RUNX1: variants seen among roughly 807,000 people sequenced by gnomAD.
RUNX1 encodes RUNX family transcription factor 1.
A neutral mutation model predicts 42.8 loss-of-function variants in RUNX1; 19 were observed. The ratio of observed to expected loss-of-function variants is 0.44; its 90% CI spans 0.31 to 0.65. The LOEUF (loss-of-function observed/expected upper bound fraction) is 0.65. RUNX1 is among the 30% of genes least tolerant of loss of function. The pLI is 0.07. For missense variants in RUNX1, 528 were observed against 672.0 expected, an observed-to-expected ratio of 0.79 and a Z score of 2.37; for synonymous variants, 271 against 289.4, an observed-to-expected ratio of 0.94 and a Z score of 0.64.
At chr21:35,027,377 T>G (rs2059245163) in intron 2 of RUNX1, among the ~76,000 whole-genome samples, 1 of 152,258 alleles carries the variant, frequency 6.6e-6, no homozygotes, top group African/African-American at 2.4e-5. Flanking sequence ...CCTCAGATTC[T>G]GCACTTCTAA....
At chr21:34,919,788 T>C (rs1246129868) in intron 2 of RUNX1, among the ~76,000 whole-genome samples, 1 of 152,214 alleles carries the variant, frequency 6.6e-6, no homozygotes, top group Non-Finnish European at 1.5e-5. Context: ...AAAATAACGA[T>C]TGTAGGACAT....
At chr21:35,020,229 G>T (rs9974463) in intron 2 of RUNX1, among the ~76,000 whole-genome samples, 1 of 151,564 alleles carries the variant, frequency 6.6e-6, no homozygotes, top group South Asian at 2.1e-4. Context: ...GTTCCTCCCC[G>T]ACCTTACTTT....
chr21:34,956,491 C>T (rs1423132888), intron 2 of RUNX1, among the ~76,000 whole-genome samples: 1 of 152,176 alleles, frequency 6.6e-6, no homozygotes, highest in Non-Finnish European at 1.5e-5. Context: ...TTTATGTCTG[C>T]AGCTCCATAG....
intron 2 of RUNX1, among the ~76,000 whole-genome samples, chr21:34,987,694 T>C (rs2058902034): frequency 6.6e-6 from 1 of 152,190 alleles, no homozygotes; most frequent in African/African-American, 2.4e-5. Flanking sequence ...AAGAGCATTT[T>C]ATCCTAGCTA....
At position 34,788,697 on chromosome 21, in the gene RUNX1, C is replaced by A; in HGVS notation, c.*3438G>T. 8.6e-6 allele frequency: 2 copies of A among 233,502 alleles called. No homozygotes were observed. The highest frequency in any genetic ancestry group is 1.7e-5 in the Non-Finnish European group (2 of 117,988). The allele number at this position is 233,502 out of a possible 1,614,324, so 14.5% of individuals were successfully genotyped here. A position where few individuals can be genotyped will look rare whatever the true frequency, so the allele number is the denominator to read the frequency against. Reference sequence around the variant, plus strand: ...AGCCAAATGATCAGCCTCATCAATACTGACCTGGCTAAAAACAAAATTCCC... The same window carrying A: ...AGCCAAATGATCAGCCTCATCAATAATGACCTGGCTAAAAACAAAATTCCC... On this transcript the variant is annotated 3_prime_UTR_variant, in exon 9 of 9. Coordinates refer to ENST00000675419, the MANE Select transcript of RUNX1 (RefSeq NM_001754.5).
intron 2 of RUNX1, among the ~76,000 whole-genome samples, chr21:35,044,873 A>G (rs1298984704): frequency 1.3e-5 from 2 of 152,234 alleles, no homozygotes; most frequent in African/African-American, 4.8e-5. Context: ...AAGCTCAGAA[A>G]GGCTTCTTGC....
At chr21:35,040,553 C>T (rs779806739) in intron 2 of RUNX1, among the ~76,000 whole-genome samples, 1 of 151,846 alleles carries the variant, frequency 6.6e-6, no homozygotes, top group Non-Finnish European at 1.5e-5. Flanking sequence ...GCGGGCAGAT[C>T]ACGAGGTCGG....
rs141878958 is a variant in RUNX1, at chr21:34,939,979, C to T, written c.59-47016G>A. Among the ~76,000 whole-genome samples the T allele has an allele frequency of 6.9e-3, 1,043 of 152,198 alleles. 10 individuals carry two copies. The highest frequency in any genetic ancestry group is 0.024 in the African/African-American group (996 of 41,526). On this transcript the variant is annotated intron_variant, in intron 2 of 8. Coordinates refer to ENST00000675419, the MANE Select transcript of RUNX1 (RefSeq NM_001754.5). ...TTTAATTTAAAGGGAAATCAACAGC[C>T]GCCACCCATTTCATGATTGCAATGA...
At chr21:35,000,479 A>C (rs2059033478) in intron 2 of RUNX1, among the ~76,000 whole-genome samples, 1 of 152,044 alleles carries the variant, frequency 6.6e-6, no homozygotes, top group Non-Finnish European at 1.5e-5. Flanking sequence ...TGACCTCGTG[A>C]TCTGCCCACC....
chr21:34,816,956 A>G (rs571418916), intron 7 of RUNX1, among the ~76,000 whole-genome samples: 9 of 152,296 alleles, frequency 5.9e-5, no homozygotes, highest in Middle Eastern at 3.4e-3. Flanking sequence ...TGGTGGTTCC[A>G]TGGTCTCCAT....
intron 3 of RUNX1, chr21:34,889,615 A>G (rs1048530935): frequency 9.6e-6 from 10 of 1,046,442 alleles, no homozygotes; most frequent in African/African-American, 6.9e-5. Flanking sequence ...GGCTCCCCGG[A>G]AGCGGCCCCC....
At chr21:35,044,340 C>G (rs1226327028) in intron 2 of RUNX1, among the ~76,000 whole-genome samples, 1 of 152,202 alleles carries the variant, frequency 6.6e-6, no homozygotes, top group African/African-American at 2.4e-5. Flanking sequence ...TGTGACCTCT[C>G]CCTCCCTAGA....
intron 2 of RUNX1, among the ~76,000 whole-genome samples, chr21:35,024,106 CAT>C (rs1569155275): frequency 6.6e-6 from 1 of 152,120 alleles, no homozygotes; most frequent in African/African-American, 2.4e-5. Context: ...TAGGTGCCTC[CAT>C]ATGTTTGTTT....
At chr21:34,874,069 C>T (rs903484614) in intron 5 of RUNX1, among the ~76,000 whole-genome samples, 1 of 151,858 alleles carries the variant, frequency 6.6e-6, no homozygotes, top group African/African-American at 2.4e-5. Flanking sequence ...TGAATTTAGT[C>T]CTCAAAGATA....
chr21:34,840,660 G>C (rs1415678610), intron 6 of RUNX1, among the ~76,000 whole-genome samples: 1 of 152,092 alleles, frequency 6.6e-6, no homozygotes, highest in Non-Finnish European at 1.5e-5. Flanking sequence ...TGTCAGGTTG[G>C]TCTCAGAGCT....
At chr21:34,970,946 CT>C (rs2058759580) in intron 2 of RUNX1, among the ~76,000 whole-genome samples, 1 of 152,210 alleles carries the variant, frequency 6.6e-6, no homozygotes, top group Non-Finnish European at 1.5e-5. Flanking sequence ...GGCTCAACTA[CT>C]TACTAGCTGT....
chr21:34,989,251 T>C (rs1490143673), intron 2 of RUNX1, among the ~76,000 whole-genome samples: 1 of 151,994 alleles, frequency 6.6e-6, no homozygotes, highest in Middle Eastern at 3.2e-3. Flanking sequence ...TCAGGTGATC[T>C]GACTGTCTCT....
intron 5 of RUNX1, among the ~76,000 whole-genome samples, chr21:34,860,397 A>G (rs1215819627): frequency 1.3e-5 from 2 of 152,214 alleles, no homozygotes; most frequent in Non-Finnish European, 1.5e-5. Context: ...GTTCCTCAGT[A>G]TCCTTACCAG....
At chr21:34,817,202 A>G (rs1569022308) in intron 7 of RUNX1, among the ~76,000 whole-genome samples, 1 of 152,202 alleles carries the variant, frequency 6.6e-6, no homozygotes, top group Non-Finnish European at 1.5e-5. Flanking sequence ...GCTGGAGTGT[A>G]GCCAGAAGTC....
Sources: gnomAD v4.1 joint callset for allele counts (sites outside exome capture counted in the v4.1 genomes callset) on GRCh38, gnomAD v4.1.1 for gene constraint, MANE v1.5 for transcripts, NCBI Gene and HGNC (gene_info 2026-07-23, HGNC 2026-07-21) for gene names.